Variants in ZFYVE1 observed in about 807,000 individuals in gnomAD.
The protein encoded by ZFYVE1 is zinc finger FYVE domain-containing protein 1.
In ZFYVE1, 30 loss-of-function variants were observed where a neutral mutation model predicts 74.4. That is an observed-to-expected ratio of 0.40 (90% CI 0.30 to 0.55). ZFYVE1 has a LOEUF of 0.55. ZFYVE1 is among the 20% of genes least tolerant of loss of function. ZFYVE1 has a pLI of 0.42. For synonymous variants in ZFYVE1, 335 were observed against 385.1 expected (o/e 0.87, Z 1.52); for missense variants, 703 against 1,011.6 (o/e 0.69, Z 4.14).
At chr14:73,000,596 T>A (rs1426500936) in intron 2 of ZFYVE1, among the ~76,000 whole-genome samples, 1 of 149,244 alleles carries the variant, frequency 6.7e-6, no homozygotes. Context: ...AGAGAGAAGC[T>A]CTGTCTCTAA....
chr14:72,969,885 G>T lies in ZFYVE1; in HGVS notation c.*997C>A. On this transcript the variant is annotated 3_prime_UTR_variant, in exon 12 of 12. Transcript: ENST00000556143. ...CAACTAACAGTTCATCCTGTGCTCA[G>T]TTTCCCTGGAAGGTTTCTCATGATC... The T allele has an allele frequency of 1.6e-6, 1 of 615,280 alleles. No individual in the cohort carries two copies. Among genetic ancestry groups the T allele is most frequent in the Non-Finnish European group, 2.9e-6 (1 of 347,244 alleles). 38.1% of individuals were successfully genotyped at this position (615,280 alleles called of 1,614,324 possible). A position where few individuals can be genotyped will look rare whatever the true frequency, so the allele number is the denominator to read the frequency against.
chr14:72,984,453 C>T (rs142171448), intron 4 of ZFYVE1, among the ~76,000 whole-genome samples: 3 of 151,740 alleles, frequency 2.0e-5, no homozygotes, highest in African/African-American at 4.8e-5. Context: ...CATTTGAACC[C>T]GGGAGGCGGA....
At position 72,981,956 on chromosome 14, in the gene ZFYVE1, C is replaced by T. The variant is rs1478383603; in HGVS notation, c.1204-61G>A. On this transcript the variant is annotated intron_variant, in intron 4 of 11. Coordinates refer to ENST00000556143, the MANE Select transcript of ZFYVE1 (RefSeq NM_021260.4). ...AGTAGAGAGCTCCGCACTTTGGCCC[C>T]CCACTGCAGGCACCGTACAAGCAAC... 4 of 1,458,102 alleles carry T rather than the reference C, an allele frequency of 2.7e-6. No homozygotes were observed. In the African/African-American group the frequency reaches 5.6e-5, roughly 20 times the overall value. The allele number at this position is 1,458,102 out of a possible 1,614,324, so 90.3% of individuals were successfully genotyped here.
chr14:72,974,095 T>C lies in ZFYVE1; in HGVS notation c.2086A>G (p.Ile696Val). 1 of 1,614,052 alleles carries C rather than the reference T, an allele frequency of 6.2e-7. No individual in the cohort carries two copies. The highest frequency in any genetic ancestry group is 8.5e-7 in the Non-Finnish European group (1 of 1,179,938). Residue 696 changes from isoleucine to valine, a missense_variant, in exon 11 of 12, where the codon ATT becomes GTT. Physicochemically the swap from Ile to Val is conservative, Grantham distance 29. This residue lies in a region of ZFYVE1 where 492 missense variants were observed against 790.0 expected (regional missense o/e 0.62). Transcript: ENST00000556143. ...CCAGGCCCACCTAGTGGTATGTCAATGGCTGTCACCACGGCTCCCAGAGTG... is the reference window on the plus strand; with the variant it reads ...CCAGGCCCACCTAGTGGTATGTCAACGGCTGTCACCACGGCTCCCAGAGTG... ...QNTLGAVVTA[I>V]DIPLGLVKDA...
At chr14:72,999,375 A>T (rs1427554032) in intron 2 of ZFYVE1, among the ~76,000 whole-genome samples, 1 of 151,866 alleles carries the variant, frequency 6.6e-6, no homozygotes, top group African/African-American at 2.4e-5. Flanking sequence ...TGCAGTGAGC[A>T]GCGATCGCAC....
chr14:73,022,898 C>T (rs370962051), intron 2 of ZFYVE1, among the ~76,000 whole-genome samples: 1 of 151,962 alleles, frequency 6.6e-6, no homozygotes, highest in Non-Finnish European at 1.5e-5. Context: ...ACCAGCCAAT[C>T]GCGCCTGTAA....
rs1478734279 is a variant in ZFYVE1, at chr14:72,970,651, C to T, written c.*231G>A. On this transcript the variant is annotated 3_prime_UTR_variant, in exon 12 of 12. Coordinates refer to ENST00000556143, the MANE Select transcript of ZFYVE1 (RefSeq NM_021260.4). Reference sequence around the variant, plus strand: ...TTATTTTTAACTGAAATAAATGCAACGGATTCAGGTTCATTCCCCTTTGCG... The same window carrying T: ...TTATTTTTAACTGAAATAAATGCAATGGATTCAGGTTCATTCCCCTTTGCG... 2.6e-5 allele frequency: 15 copies of T among 580,108 alleles called. 1 individual carries two copies. The highest frequency in any genetic ancestry group is 2.1e-4 in the South Asian group (10 of 47,080). 35.9% of individuals were successfully genotyped at this position (580,108 alleles called of 1,614,324 possible). A position where few individuals can be genotyped will look rare whatever the true frequency, so the allele number is the denominator to read the frequency against.
Position 72,974,821 on chromosome 14 carries a change from G to A in ZFYVE1, c.1945C>T (p.Arg649Trp), listed in dbSNP as rs757263132. The change falls in exon 10 of 12, where the codon CGG becomes TGG. Residue 649 changes from arginine to tryptophan, a missense_variant. Arg to Trp is a moderately radical substitution (Grantham distance 101, BLOSUM62 -3). Around this residue, in one of 2 missense-constraint regions of ZFYVE1, gnomAD observed 492 missense variants for 790.0 expected, o/e 0.62. Coordinates refer to ENST00000556143, the MANE Select transcript of ZFYVE1 (RefSeq NM_021260.4). ...GCTTCGTAGCAGTTGTCACAGACCC[G>A]CACTGGCGCAGGGCCCCAGCCCCGC... ...PERGWGPAPV[R>W]VCDNCYEARN... The A allele has an allele frequency of 2.5e-6, 4 of 1,611,948 alleles. No homozygotes were observed. The highest frequency in any genetic ancestry group is 2.2e-5 in the East Asian group (1 of 44,822).
chr14:72,971,399 C>T (rs748881481), intron 11 of ZFYVE1, among the ~76,000 whole-genome samples: 6 of 152,114 alleles, frequency 3.9e-5, no homozygotes, highest in South Asian at 2.1e-4. Flanking sequence ...TGCAGTATCA[C>T]GATTTCGGCT....
chr14:72,977,271 G>GCGGTCGTGC (rs1192724272), intron 8 of ZFYVE1, among the ~76,000 whole-genome samples: 3 of 151,944 alleles, frequency 2.0e-5, no homozygotes, highest in Admixed American at 6.6e-5. Context: ...GCCGGGCGTG[G>GCGGTCGTGC]CGGTCGTGCC....
chr14:73,020,276 A>AG (rs1311422212), intron 2 of ZFYVE1, among the ~76,000 whole-genome samples: 3 of 114,742 alleles, frequency 2.6e-5, no homozygotes, highest in East Asian at 5.0e-4. Context: ...AAAAAAAAAA[A>AG]GGAAAGGAAA....
intron 2 of ZFYVE1, among the ~76,000 whole-genome samples, chr14:73,001,726 T>A (rs1222206728): frequency 2.2e-5 from 2 of 89,788 alleles, no homozygotes; most frequent in Non-Finnish European, 4.6e-5. Context: ...ACACCTGTAA[T>A]CCCAGCACTT....
chr14:73,000,448 T>A (rs1399851518), intron 2 of ZFYVE1, among the ~76,000 whole-genome samples: 2 of 151,656 alleles, frequency 1.3e-5, no homozygotes, highest in East Asian at 1.9e-4. Context: ...ATAAAAAAAA[T>A]TAAAAATTAG....
At chr14:72,977,282 T>C (rs61986491) in intron 8 of ZFYVE1, among the ~76,000 whole-genome samples, 7,823 of 152,144 alleles carry the variant, frequency 0.051, 265 homozygotes, top group Non-Finnish European at 0.081. Flanking sequence ...CGGTCGTGCC[T>C]GTAATCCCAG....
intron 1 of ZFYVE1, 106 bp downstream of exon 1, chr14:73,026,820 C>G (rs1331323886): frequency 3.1e-6 from 1 of 325,492 alleles, no homozygotes; most frequent in Non-Finnish European, 5.5e-6. Context: ...CCGCACCCGC[C>G]CCCCCTTCCT....
chr14:72,999,729 C>T (rs555714320), intron 2 of ZFYVE1, among the ~76,000 whole-genome samples: 1 of 152,302 alleles, frequency 6.6e-6, no homozygotes, highest in East Asian at 1.9e-4. Context: ...CAGGAGTTTA[C>T]AGCCACCCTG....
chr14:72,997,025 TAC>T (rs1390394310), intron 3 of ZFYVE1, among the ~76,000 whole-genome samples: 1 of 152,128 alleles, frequency 6.6e-6, no homozygotes, highest in African/African-American at 2.4e-5. Flanking sequence ...AATAAGAACT[TAC>T]ACACACACGT....
chr14:73,021,646 T>C (rs959038056), intron 2 of ZFYVE1, among the ~76,000 whole-genome samples: 4 of 152,356 alleles, frequency 2.6e-5, no homozygotes, highest in Admixed American at 2.0e-4. Flanking sequence ...ATGAATTCTA[T>C]GTCTAAACCA....
chr14:73,021,499 C>G (rs1894318439), intron 2 of ZFYVE1, among the ~76,000 whole-genome samples: 1 of 152,242 alleles, frequency 6.6e-6, no homozygotes, highest in Non-Finnish European at 1.5e-5. Flanking sequence ...CTCTCCAGTT[C>G]ACAATCTAGC....
Sources: gnomAD v4.1 joint callset for allele counts (sites outside exome capture counted in the v4.1 genomes callset) on GRCh38, gnomAD v4.1.1 for gene constraint, gnomAD v4.1.1 regional missense constraint, MANE v1.5 for transcripts, NCBI Gene and HGNC (gene_info 2026-07-23, HGNC 2026-07-21) for gene names.